FRMD3: variants seen among roughly 807,000 people sequenced by gnomAD.
FRMD3 encodes FERM domain containing 3.
A neutral mutation model predicts 70.2 loss-of-function variants in FRMD3; 33 were observed. The observed-to-expected ratio is 0.47, with a 90% confidence interval of 0.36 to 0.63. The LOEUF is 0.63. FRMD3 is among the 20% of genes least tolerant of loss of function. The pLI is 0.00. For synonymous variants in FRMD3, 279 were observed against 255.9 expected, an observed-to-expected ratio of 1.09 and a Z score of -0.86; for missense variants, 632 against 711.4, an observed-to-expected ratio of 0.89 and a Z score of 1.27.
chr9:83,385,836 G>A (rs1825495801), intron 2 of FRMD3, among the ~76,000 whole-genome samples: 1 of 152,058 alleles, frequency 6.6e-6, no homozygotes, highest in South Asian at 2.1e-4. Context: ...AATTATCCAA[G>A]GCCCATTTTC....
At chr9:83,527,851 G>A (rs914699567) in intron 1 of FRMD3, among the ~76,000 whole-genome samples, 10 of 152,238 alleles carry the variant, frequency 6.6e-5, no homozygotes, top group East Asian at 3.9e-4. Flanking sequence ...TCTGGACTCC[G>A]CATCTGGCTC....
intron 4 of FRMD3, among the ~76,000 whole-genome samples, chr9:83,346,936 T>C (rs1240941152): frequency 6.6e-6 from 1 of 152,212 alleles, no homozygotes; most frequent in Non-Finnish European, 1.5e-5. Flanking sequence ...ACAAATGCTT[T>C]AAATGATTAA....
intron 1 of FRMD3, among the ~76,000 whole-genome samples, chr9:83,512,126 C>T (rs1374499809): frequency 3.9e-5 from 6 of 152,260 alleles, no homozygotes; most frequent in Admixed American, 3.3e-4. Context: ...CCTAGAACTG[C>T]TTTTGAGGAT....
chr9:83,267,851 A>C (rs1467850827), intron 13 of FRMD3, among the ~76,000 whole-genome samples: 1 of 152,212 alleles, frequency 6.6e-6, no homozygotes, highest in Non-Finnish European at 1.5e-5. Flanking sequence ...CTCCATTTCA[A>C]GTGTTCAGTA....
intron 1 of FRMD3, among the ~76,000 whole-genome samples, chr9:83,397,457 G>C (rs948405842): frequency 3.9e-5 from 6 of 152,130 alleles, no homozygotes; most frequent in Admixed American, 3.9e-4. Context: ...CCAACAACTG[G>C]GGTCCTAGGA....
intron 1 of FRMD3, among the ~76,000 whole-genome samples, chr9:83,515,849 T>C (rs111971615): frequency 1.6e-4 from 24 of 152,266 alleles, no homozygotes; most frequent in African/African-American, 5.3e-4. Context: ...CAATCCAGAA[T>C]TTCATATCCA....
chr9:83,490,698 G>A (rs1828796974), intron 1 of FRMD3, among the ~76,000 whole-genome samples: 1 of 151,740 alleles, frequency 6.6e-6, no homozygotes, highest in Admixed American at 6.6e-5. Flanking sequence ...TGCCTTTAAT[G>A]AGCTTTCTAT....
At chr9:83,295,641 C>A (rs532408780) in intron 12 of FRMD3, among the ~76,000 whole-genome samples, 2 of 152,320 alleles carry the variant, frequency 1.3e-5, no homozygotes, top group South Asian at 4.1e-4. Context: ...ATACAGTTGG[C>A]AAACAACACA....
the FRMD3 span, among the ~76,000 whole-genome samples, chr9:83,550,287 T>G: frequency 6.6e-6 from 1 of 152,190 alleles, no homozygotes; most frequent in South Asian, 2.1e-4. Context: ...GGCTCTCTAT[T>G]CTGTTCCATT....
intron 2 of FRMD3, among the ~76,000 whole-genome samples, chr9:83,388,339 C>T (rs1010043775): frequency 1.3e-5 from 2 of 152,242 alleles, no homozygotes; most frequent in Admixed American, 1.3e-4. Context: ...AGATCAGGGA[C>T]ATTGAGGAGG....
At chr9:83,423,977 C>T (rs1333946077) in intron 1 of FRMD3, among the ~76,000 whole-genome samples, 1 of 152,190 alleles carries the variant, frequency 6.6e-6, no homozygotes, top group African/African-American at 2.4e-5. Flanking sequence ...ACATCTCTAT[C>T]ATCACAGAAA....
intron 13 of FRMD3, among the ~76,000 whole-genome samples, chr9:83,256,031 C>T (rs917072981): frequency 3.9e-5 from 6 of 152,070 alleles, no homozygotes; most frequent in African/African-American, 1.4e-4. Context: ...TTTTAAAATT[C>T]GTATGGAACC....
chr9:83,276,633 CA>C (rs1190612452), intron 13 of FRMD3: 1 of 152,184 alleles, frequency 6.6e-6, no homozygotes, highest in African/African-American at 2.4e-5. Context: ...GCTATGACTC[CA>C]AAAGAGAAGA....
At chr9:83,466,344 T>C (rs767145571) in intron 1 of FRMD3, among the ~76,000 whole-genome samples, 9 of 152,248 alleles carry the variant, frequency 5.9e-5, no homozygotes, top group Non-Finnish European at 1.3e-4. Flanking sequence ...GCTCTTCTTC[T>C]GGCAACAAAG....
At chr9:83,533,753 G>C (rs1409120645) in intron 1 of FRMD3, among the ~76,000 whole-genome samples, 1 of 152,178 alleles carries the variant, frequency 6.6e-6, no homozygotes, top group Non-Finnish European at 1.5e-5. Flanking sequence ...TAACAGTCTA[G>C]AAAGAAAATT....
chr9:83,408,236 G>T (rs1042524884), intron 1 of FRMD3, among the ~76,000 whole-genome samples: 1 of 152,200 alleles, frequency 6.6e-6, no homozygotes, highest in African/African-American at 2.4e-5. Flanking sequence ...GGGAATAAAA[G>T]ATTCTTCTTT....
At chr9:83,474,997 A>C (rs566245853) in intron 1 of FRMD3, among the ~76,000 whole-genome samples, 3 of 152,248 alleles carry the variant, frequency 2.0e-5, no homozygotes, top group African/African-American at 4.8e-5. Context: ...GATTGAGTTG[A>C]GATTATAAAA....
intron 1 of FRMD3, among the ~76,000 whole-genome samples, chr9:83,411,712 A>G (rs934371728): frequency 6.6e-6 from 1 of 152,240 alleles, no homozygotes; most frequent in Non-Finnish European, 1.5e-5. Context: ...CTATTTCACT[A>G]CTGTTCACTA....
intron 6 of FRMD3, among the ~76,000 whole-genome samples, chr9:83,314,328 C>T (rs1472343777): frequency 2.0e-5 from 3 of 152,076 alleles, no homozygotes; most frequent in South Asian, 2.1e-4. Flanking sequence ...TATAGATGAC[C>T]GCGAAGCCCT....
Sources: gnomAD v4.1 joint callset for allele counts (sites outside exome capture counted in the v4.1 genomes callset) on GRCh38, gnomAD v4.1.1 for gene constraint, MANE v1.5 for transcripts, NCBI Gene and HGNC (gene_info 2026-07-23, HGNC 2026-07-21) for gene names.